DNAH14: variants seen among roughly 807,000 people sequenced by gnomAD.
DNAH14 encodes the protein dynein axonemal heavy chain 14, also known as axonemal beta dynein heavy chain 14.
In DNAH14, 478 loss-of-function variants were observed where a neutral mutation model predicts 520.9. The ratio of observed to expected loss-of-function variants is 0.92; its 90% CI spans 0.85 to 0.99. The LOEUF (loss-of-function observed/expected upper bound fraction) is 0.99, where lower values mean the gene tolerates loss of function less well. Among genes scored for constraint, DNAH14 ranks in the 50% least tolerant of loss-of-function variants. The pLI, the probability that DNAH14 is intolerant of heterozygous loss-of-function variation, is 0.00. For synonymous variants in DNAH14, 1,581 were observed against 1,757.2 expected, an observed-to-expected ratio of 0.90 and a Z score of 2.51; for missense variants, 4,831 against 5,234.5, an observed-to-expected ratio of 0.92 and a Z score of 2.38.
At chr1:225,214,423 A>G (rs1281258529) in intron 41 of DNAH14, among the ~76,000 whole-genome samples, 1 of 152,204 alleles carries the variant, frequency 6.6e-6, no homozygotes, top group East Asian at 1.9e-4. Flanking sequence ...CTGGCCTCAT[A>G]AAATGAATTA....
At chr1:225,012,619 T>C (rs1472051969) in intron 10 of DNAH14, among the ~76,000 whole-genome samples, 1 of 152,246 alleles carries the variant, frequency 6.6e-6, no homozygotes, top group South Asian at 2.1e-4. Flanking sequence ...GGTTTGGTCT[T>C]TTCACATAGT....
At chr1:224,993,559 G>T (rs1219285956) in intron 8 of DNAH14, among the ~76,000 whole-genome samples, 3 of 150,978 alleles carry the variant, frequency 2.0e-5, no homozygotes, top group Admixed American at 2.0e-4. Context: ...TCTCATTTTT[G>T]ATTTTGAGTT....
At chr1:225,036,267 C>T (rs2066953761) in intron 11 of DNAH14, among the ~76,000 whole-genome samples, 1 of 152,142 alleles carries the variant, frequency 6.6e-6, no homozygotes, top group Admixed American at 6.6e-5. Flanking sequence ...TCCCAAATAG[C>T]TGGGATTACA....
At position 225,121,684 on chromosome 1, in the gene DNAH14, T is replaced by C. The variant is rs566812593; in HGVS notation, c.4167-1843T>C. On this transcript the variant is annotated intron_variant, in intron 26 of 85. Coordinates refer to ENST00000682510, the MANE Select transcript of DNAH14 (RefSeq NM_001367479.1). The stretch of plus-strand genomic sequence containing the variant: ...GGTGAAACCCTGTCTCTACTAAAAA[T>C]ACAAAATTTAGCCAGGCATGGTGAT... Among the ~76,000 whole-genome samples the C allele has an allele frequency of 4.6e-5, 7 of 152,024 alleles. No individual in the cohort carries two copies. In the South Asian group the frequency reaches 1.5e-3, roughly 32 times the overall value.
chr1:225,394,180 C>T (rs2095968860), intron 84 of DNAH14, among the ~76,000 whole-genome samples: 1 of 152,092 alleles, frequency 6.6e-6, no homozygotes, highest in Non-Finnish European at 1.5e-5. Context: ...AAGGTGGGCA[C>T]CTTTTAAAAT....
At chr1:225,002,473 A>G (rs1387609977) in intron 8 of DNAH14, among the ~76,000 whole-genome samples, 1 of 152,148 alleles carries the variant, frequency 6.6e-6, no homozygotes, top group African/African-American at 2.4e-5. Flanking sequence ...CATTGAGGAC[A>G]TATAATTCAT....
At chr1:224,973,985 AAT>A (rs1472746876) in intron 7 of DNAH14, 104 bp from the exon 8 acceptor site, 1 of 630,058 alleles carries the variant, frequency 1.6e-6, no homozygotes, top group African/African-American at 1.9e-5. Context: ...GGATGAATGA[AAT>A]ATGTTCTAGA....
At chr1:225,001,915 G>A (rs930431045) in intron 8 of DNAH14, among the ~76,000 whole-genome samples, 1 of 144,986 alleles carries the variant, frequency 6.9e-6, no homozygotes, top group African/African-American at 2.8e-5. Context: ...AATTGGGGAG[G>A]GTTCTTTAAG....
intron 10 of DNAH14, among the ~76,000 whole-genome samples, chr1:225,013,190 CTGTT>C (rs1468062264): frequency 1.3e-5 from 2 of 151,808 alleles, no homozygotes; most frequent in Non-Finnish European, 2.9e-5. Context: ...CCATTGCTTT[CTGTT>C]TGTTAGTTTT....
At chr1:225,073,657 A>T (rs3102110) in intron 17 of DNAH14, among the ~76,000 whole-genome samples, 1 of 149,296 alleles carries the variant, frequency 6.7e-6, no homozygotes, top group Non-Finnish European at 1.5e-5. Flanking sequence ...TGTTGTTTTC[A>T]GTTTTTTGTT....
intron 46 of DNAH14, among the ~76,000 whole-genome samples, chr1:225,263,978 G>T (rs1301969544): frequency 2.6e-5 from 4 of 151,966 alleles, no homozygotes; most frequent in Admixed American, 6.6e-5. Context: ...CTGGGAATTT[G>T]CCCAGTTTGT....
intron 10 of DNAH14, among the ~76,000 whole-genome samples, chr1:225,014,027 G>A (rs552527898): frequency 5.9e-5 from 9 of 152,206 alleles, no homozygotes; most frequent in Admixed American, 1.3e-4. Flanking sequence ...CAGCTAGCTC[G>A]GATTTTTGCC....
chr1:225,102,138 G>A (rs2075538822), intron 23 of DNAH14, among the ~76,000 whole-genome samples: 1 of 149,426 alleles, frequency 6.7e-6, no homozygotes, highest in African/African-American at 2.5e-5. Flanking sequence ...AGAACATGCG[G>A]TGTTTGGTTT....
chr1:225,171,569 G>C (rs1209598558), intron 36 of DNAH14, among the ~76,000 whole-genome samples: 1 of 152,082 alleles, frequency 6.6e-6, no homozygotes, highest in Non-Finnish European at 1.5e-5. Flanking sequence ...GACTAAAGCA[G>C]GAAGAAATAG....
At chr1:224,947,195 G>A (rs2059900913) in intron 1 of DNAH14, among the ~76,000 whole-genome samples, 1 of 152,046 alleles carries the variant, frequency 6.6e-6, no homozygotes, top group Non-Finnish European at 1.5e-5. Flanking sequence ...TGGGATTACA[G>A]GCGTGAACCA....
intron 23 of DNAH14, among the ~76,000 whole-genome samples, chr1:225,101,236 A>G (rs192166262): frequency 3.3e-5 from 5 of 151,718 alleles, no homozygotes; most frequent in Admixed American, 2.0e-4. Context: ...ATTTTTGTAG[A>G]TAGATAGTAG....
intron 18 of DNAH14, among the ~76,000 whole-genome samples, chr1:225,079,759 C>T (rs111989284): frequency 0.043 from 6,232 of 146,594 alleles, 214 homozygotes; most frequent in Non-Finnish European, 0.062. Context: ...CTGCAAGCTC[C>T]GCCTCCCGGG....
chr1:225,235,081 G>A (rs989666832), intron 42 of DNAH14, among the ~76,000 whole-genome samples: 12 of 152,126 alleles, frequency 7.9e-5, no homozygotes, highest in African/African-American at 2.9e-4. Context: ...CCAATACTAT[G>A]TTGAATAGGA....
At chr1:225,037,541 T>G (rs2067080453) in intron 11 of DNAH14, among the ~76,000 whole-genome samples, 1 of 152,172 alleles carries the variant, frequency 6.6e-6, no homozygotes, top group Non-Finnish European at 1.5e-5. Context: ...TCTCCTTGCT[T>G]CTTAACTTTT....
Sources: allele counts gnomAD v4.1 joint callset (sites outside exome capture counted in the v4.1 genomes callset), GRCh38; gene constraint gnomAD v4.1.1; transcripts MANE v1.5; gene names NCBI Gene and HGNC (gene_info 2026-07-23, HGNC 2026-07-21).